Variants in WARS2 observed in about 807,000 individuals in gnomAD.
The protein encoded by WARS2 is tryptophanyl tRNA synthetase 2, mitochondrial, also known as tryptophan--tRNA ligase, mitochondrial.
A neutral mutation model predicts 36.5 loss-of-function variants in WARS2; 28 were observed. The observed-to-expected ratio is 0.77, with a 90% CI of 0.57 to 1.05. The LOEUF is 1.05. Ranked by LOEUF, WARS2 falls within the 50% of genes least tolerant of loss-of-function variation. The pLI, the probability that WARS2 is intolerant of heterozygous loss-of-function variation, is 0.00. For synonymous variants in WARS2, 174 were observed against 178.4 expected, an observed-to-expected ratio of 0.98 and a Z score of 0.20; for missense variants, 435 against 456.8, an observed-to-expected ratio of 0.95 and a Z score of 0.44.
At chr1:119,092,327 A>C (rs2101412708) in intron 1 of WARS2, among the ~76,000 whole-genome samples, 1 of 152,332 alleles carries the variant, frequency 6.6e-6, no homozygotes, top group South Asian at 2.1e-4. Flanking sequence ...CAGCGTCACC[A>C]ATTCTTCATG....
At chr1:119,087,012 T>C (rs1177305046) in intron 1 of WARS2, among the ~76,000 whole-genome samples, 1 of 152,112 alleles carries the variant, frequency 6.6e-6, no homozygotes, top group African/African-American at 2.4e-5. Flanking sequence ...CTCTTAAACA[T>C]GCTTCTTCCT....
chr1:119,039,287 G>A (rs989998130), intron 4 of WARS2, among the ~76,000 whole-genome samples: 17 of 152,106 alleles, frequency 1.1e-4, no homozygotes, highest in Admixed American at 1.1e-3. Context: ...CGGATCAGTG[G>A]CATTGTAGGT....
In WARS2 at chr1:119,085,452, TTTTC is replaced by T. The variant is rs1272383144; in HGVS notation, c.91-8849_91-8846del. The T allele has an allele frequency of 2.6e-6, 4 of 1,518,216 alleles. No individual in the cohort carries two copies. The African/African-American group carries it at 6.0e-5, about 23-fold the overall frequency. 94.0% of individuals were successfully genotyped at this position (1,518,216 alleles called of 1,614,324 possible). A position where few individuals can be genotyped will look rare whatever the true frequency, so the allele number is the denominator to read the frequency against. ...CTGTACCTCCCAGTCAGTTGTCTCT[TTTTC>T]TTTTTTTCCTTTTTGTCTTTTTTTG... On this transcript the variant is annotated intron_variant, in intron 1 of 5. Coordinates refer to ENST00000235521, the MANE Select transcript of WARS2 (RefSeq NM_015836.4).
chr1:119,117,812 A>G (rs1655073028), intron 1 of WARS2, among the ~76,000 whole-genome samples: 1 of 152,162 alleles, frequency 6.6e-6, no homozygotes, highest in African/African-American at 2.4e-5. Flanking sequence ...CTGGGTAGCT[A>G]GACCCAGAAA....
chr1:119,069,782 G>C lies in WARS2; in HGVS notation c.348+6568C>G, dbSNP rs143297878. On this transcript the variant is annotated intron_variant, in intron 2 of 5. Coordinates refer to ENST00000235521, the MANE Select transcript of WARS2 (RefSeq NM_015836.4). Reference sequence around the variant, plus strand: ...AAGGTGACTGTGGCTGCCTTGTGGGGAATGAACTGCCAAACTGTGAGGCTA... The same window carrying C: ...AAGGTGACTGTGGCTGCCTTGTGGGCAATGAACTGCCAAACTGTGAGGCTA... 5.1e-3 allele frequency among the ~76,000 whole-genome samples: 783 copies of C among 152,196 alleles called. 6 individuals carry two copies. Among genetic ancestry groups the C allele is most frequent in the Middle Eastern group, 0.017 (5 of 294 alleles).
intron 2 of WARS2, chr1:119,063,374 A>AAACCAATTTTCTGGGGAGAAAAGAG (rs1557953124): frequency 3.3e-5 from 5 of 152,210 alleles, no homozygotes; most frequent in African/African-American, 1.2e-4. Context: ...CTGACTATGC[A>AAACCAATTTTCTGGGGAGAAAAGAG]AAACCAATTT....
At chr1:119,082,098 G>T (rs985934877) in intron 1 of WARS2, among the ~76,000 whole-genome samples, 1 of 152,018 alleles carries the variant, frequency 6.6e-6, no homozygotes, top group Non-Finnish European at 1.5e-5. Flanking sequence ...AAATATGGAG[G>T]CCAACAATTA....
At chr1:119,055,739 GAGGGAGGGAGGA>G (rs763045132) in intron 2 of WARS2, among the ~76,000 whole-genome samples, 14 of 151,322 alleles carry the variant, frequency 9.3e-5, no homozygotes, top group Non-Finnish European at 2.1e-4. Context: ...GGAGAAGAGG[GAGGGAGGGAGGA>G]AGGAAGGAAG....
intron 1 of WARS2, among the ~76,000 whole-genome samples, chr1:119,123,991 A>C (rs1021722267): frequency 6.6e-6 from 1 of 152,104 alleles, no homozygotes; most frequent in African/African-American, 2.4e-5. Context: ...GAAGCATCTA[A>C]ACTCAATTTG....
At chr1:119,045,494 G>A (rs973677963) in intron 3 of WARS2, 88 bp downstream of exon 3, 25 of 1,111,492 alleles carry the variant, frequency 2.2e-5, no homozygotes, top group Admixed American at 1.6e-4. Flanking sequence ...GCAGACCAGG[G>A]AGGAGAGTAA....
intron 1 of WARS2, among the ~76,000 whole-genome samples, chr1:119,124,963 TTG>T (rs1451762513): frequency 2.0e-5 from 3 of 152,234 alleles, no homozygotes; most frequent in South Asian, 2.1e-4. Context: ...ATTCTGTTGC[TTG>T]TGTGACAAGT....
chr1:119,076,075 G>A (rs587616610), intron 2 of WARS2, among the ~76,000 whole-genome samples: 1 of 152,242 alleles, frequency 6.6e-6, no homozygotes, highest in East Asian at 1.9e-4. Flanking sequence ...CAATTCCAGG[G>A]CTAGAAGTAC....
At chr1:119,046,351 ATTT>A (rs35429480) in intron 2 of WARS2, among the ~76,000 whole-genome samples, 1 of 97,088 alleles carries the variant, frequency 1.0e-5, no homozygotes, top group Non-Finnish European at 2.1e-5. Flanking sequence ...ACTTTCCCCA[ATTT>A]TTTTTTTTTT....
chr1:119,096,402 C>T (rs587723933), intron 1 of WARS2, among the ~76,000 whole-genome samples: 3 of 152,148 alleles, frequency 2.0e-5, no homozygotes, highest in African/African-American at 7.2e-5. Context: ...TATTCACCAG[C>T]GAAATATTTA....
chr1:119,082,033 A>G (rs1026401913), intron 1 of WARS2, among the ~76,000 whole-genome samples: 10 of 152,172 alleles, frequency 6.6e-5, no homozygotes, highest in Admixed American at 2.0e-4. Flanking sequence ...TCAATAGAGT[A>G]AATATTAATT....
chr1:119,134,923 G>A (rs1358102761), intron 1 of WARS2, among the ~76,000 whole-genome samples: 1 of 152,126 alleles, frequency 6.6e-6, no homozygotes, highest in African/African-American at 2.4e-5. Flanking sequence ...CTAGAGGCTA[G>A]GTTAGTTACA....
At chr1:119,116,806 G>C (rs1190313980) in intron 1 of WARS2, among the ~76,000 whole-genome samples, 1 of 152,200 alleles carries the variant, frequency 6.6e-6, no homozygotes, top group Non-Finnish European at 1.5e-5. Context: ...CGCAGCCAGT[G>C]GAACTGGGGA....
chr1:119,081,813 A>G (rs1261881355), intron 1 of WARS2, among the ~76,000 whole-genome samples: 2 of 152,180 alleles, frequency 1.3e-5, no homozygotes, highest in Non-Finnish European at 2.9e-5. Flanking sequence ...AGGATTGAAG[A>G]GCTGAAACAG....
chr1:119,040,690 A>G (rs1474078146), intron 4 of WARS2, among the ~76,000 whole-genome samples: 1 of 152,206 alleles, frequency 6.6e-6, no homozygotes, highest in Non-Finnish European at 1.5e-5. Context: ...AGTCATCATT[A>G]GTCATAACCA....
Sources: gnomAD v4.1 joint callset for allele counts (sites outside exome capture counted in the v4.1 genomes callset) on GRCh38, gnomAD v4.1.1 for gene constraint, MANE v1.5 for transcripts, NCBI Gene and HGNC (gene_info 2026-07-23, HGNC 2026-07-21) for gene names.